EDARADD: variants seen among roughly 807,000 people sequenced by gnomAD.
The protein encoded by EDARADD is EDAR associated via death domain.
In EDARADD, 20 loss-of-function variants were observed where a neutral mutation model predicts 25.6. The ratio of observed to expected loss-of-function variants is 0.78; its 90% CI spans 0.55 to 1.14. EDARADD has a LOEUF of 1.14. Ranked by LOEUF, EDARADD falls within the 50% of genes most tolerant of loss-of-function variation. The pLI, the probability that EDARADD is intolerant of heterozygous loss-of-function variation, is 0.00. For missense variants in EDARADD, 225 were observed against 270.1 expected (o/e 0.83, Z 1.17); for synonymous variants, 86 against 94.4 (o/e 0.91, Z 0.52).
chr1:236,426,342 C>A (rs1315118573), intron 3 of EDARADD, among the ~76,000 whole-genome samples: 1 of 152,184 alleles, frequency 6.6e-6, no homozygotes, highest in African/African-American at 2.4e-5. Context: ...GATGGACAAA[C>A]ACACACATCC....
At chr1:236,448,447 C>T (rs908868870) in intron 4 of EDARADD, among the ~76,000 whole-genome samples, 4 of 152,156 alleles carry the variant, frequency 2.6e-5, no homozygotes, top group African/African-American at 9.7e-5. Context: ...CCCACCATGG[C>T]GGTCAGGGCA....
chr1:236,427,112 C>T (rs1036359871), intron 3 of EDARADD, among the ~76,000 whole-genome samples: 3 of 152,148 alleles, frequency 2.0e-5, no homozygotes, highest in African/African-American at 7.2e-5. Context: ...AAGCTCCCAA[C>T]CTCAGGTGAT....
At chr1:236,415,132 A>T (rs919858945) in intron 3 of EDARADD, among the ~76,000 whole-genome samples, 7 of 152,162 alleles carry the variant, frequency 4.6e-5, no homozygotes, top group African/African-American at 1.4e-4. Flanking sequence ...GATGATTGTG[A>T]TTGTGGCAGT....
At chr1:236,445,053 A>G (rs1658495755) in intron 4 of EDARADD, among the ~76,000 whole-genome samples, 1 of 151,824 alleles carries the variant, frequency 6.6e-6, no homozygotes. Flanking sequence ...AAAGCAATTG[A>G]CTTATTTGTA....
chr1:236,365,597 A>G (rs664325), intron 3 of EDARADD, among the ~76,000 whole-genome samples: 76,868 of 151,966 alleles, frequency 0.51, 20,197 homozygotes, highest in East Asian at 0.83. Flanking sequence ...ATGAGCCACC[A>G]TGCCTGCTTG....
chr1:236,395,758 C>T lies in EDARADD; in HGVS notation c.61+1253C>T. ...CAGCCGCAGGGCTATCGAGGCCGGG[C>T]CTCGGCGACCCCCGAGGGAGGCCCG... On this transcript the variant is annotated intron_variant, in intron 1 of 5. Transcript: ENST00000334232. The surrounding 1 kb of genome is among the most constrained non-coding windows in gnomAD (Gnocchi z 6.9). 7.1e-7 allele frequency: 1 copy of T among 1,402,278 alleles called. No individual in the cohort carries two copies. The highest frequency in any genetic ancestry group is 2.5e-4 in the Middle Eastern group (1 of 3,964). The allele number at this position is 1,402,278 out of a possible 1,614,324, so 86.9% of individuals were successfully genotyped here.
intron 3 of EDARADD, among the ~76,000 whole-genome samples, chr1:236,361,420 TTCTCCTTCCTCAGCC>T (rs1228109687): frequency 3.3e-5 from 5 of 151,932 alleles, no homozygotes; most frequent in Admixed American, 2.0e-4. Flanking sequence ...GTTCAAGTGA[TTCTCCTTCCTCAGCC>T]TCTCCTTCCT....
chr1:236,370,574 A>G (rs983155871), intron 3 of EDARADD, among the ~76,000 whole-genome samples: 1 of 152,188 alleles, frequency 6.6e-6, no homozygotes, highest in Admixed American at 6.5e-5. Flanking sequence ...GGGGGAGGCC[A>G]GTGAGCCAGG....
chr1:236,438,403 A>G (rs1330256087), intron 4 of EDARADD, among the ~76,000 whole-genome samples: 1 of 152,074 alleles, frequency 6.6e-6, no homozygotes, highest in Non-Finnish European at 1.5e-5. Context: ...TGTCTGGCAG[A>G]CTCTGGGACA....
intron 4 of EDARADD, among the ~76,000 whole-genome samples, chr1:236,445,953 A>G (rs1387428926): frequency 4.6e-5 from 7 of 152,190 alleles, no homozygotes; most frequent in Non-Finnish European, 1.0e-4. Context: ...ATACACAAAG[A>G]ATGCTTTCAG....
intron 3 of EDARADD, among the ~76,000 whole-genome samples, chr1:236,360,720 A>AT (rs1314820556): frequency 6.6e-6 from 1 of 151,418 alleles, no homozygotes; most frequent in Admixed American, 6.6e-5. Flanking sequence ...TAATTTTTGT[A>AT]TTTTTTTGTA....
chr1:236,422,261 G>T (rs770312310), intron 3 of EDARADD, among the ~76,000 whole-genome samples: 8 of 152,220 alleles, frequency 5.3e-5, no homozygotes, highest in Non-Finnish European at 1.2e-4. Flanking sequence ...TCTTAGAAGA[G>T]AAATGAGTGT....
chr1:236,385,418 AAAAAAAAAAAAAAT>A (rs1239059608), intron 3 of EDARADD, among the ~76,000 whole-genome samples: 1 of 118,848 alleles, frequency 8.4e-6, no homozygotes, highest in African/African-American at 2.9e-5. Context: ...CAAAAAAAAA[AAAAAAAAAAAAAAT>A]GCTCTTCCAG....
intron 4 of EDARADD, among the ~76,000 whole-genome samples, chr1:236,428,918 G>A (rs540030384): frequency 1.2e-3 from 184 of 152,184 alleles, no homozygotes; most frequent in African/African-American, 4.3e-3. Flanking sequence ...CAGATCACTC[G>A]CGGTCAGGAG....
chr1:236,437,828 G>A (rs1007776834), intron 4 of EDARADD, among the ~76,000 whole-genome samples: 1 of 146,200 alleles, frequency 6.8e-6, no homozygotes, highest in African/African-American at 2.5e-5. Flanking sequence ...AGCCCACTGC[G>A]ACCTTTGCCT....
intron 1 of EDARADD, among the ~76,000 whole-genome samples, chr1:236,405,870 CTTCCTTCTTTCTTTCTTTCTTTCTTTCT>C (rs1227818487): frequency 1.7e-3 from 63 of 37,520 alleles, no homozygotes; most frequent in African/African-American, 7.0e-3. Context: ...TCCTTCCTTC[CTTCCTTCTTTCTTTCTTTCTTTCTTTCT>C]TTCTTTCTTT....
upstream of EDARADD, among the ~76,000 whole-genome samples, chr1:236,393,301 A>T (rs547062947): frequency 1.3e-5 from 2 of 152,236 alleles, no homozygotes; most frequent in South Asian, 4.1e-4. Context: ...AGTTATGGAA[A>T]TATGAAATTT....
chr1:236,452,280 TC>T (rs1439174128), intron 4 of EDARADD, among the ~76,000 whole-genome samples: 1 of 152,198 alleles, frequency 6.6e-6, no homozygotes, highest in East Asian at 1.9e-4. Context: ...CAGCTTTCAC[TC>T]CTTCCGTGAA....
At chr1:236,399,377 G>C (rs1667576526) in intron 1 of EDARADD, among the ~76,000 whole-genome samples, 1 of 152,072 alleles carries the variant, frequency 6.6e-6, no homozygotes, top group Non-Finnish European at 1.5e-5. Flanking sequence ...AGTAGAGACG[G>C]GGTTTCACCA....
Sources: gnomAD v4.1 joint callset for allele counts (sites outside exome capture counted in the v4.1 genomes callset) on GRCh38, gnomAD v4.1.1 for gene constraint, Gnocchi (gnomAD v3.1) non-coding constraint, MANE v1.5 for transcripts, NCBI Gene and HGNC (gene_info 2026-07-23, HGNC 2026-07-21) for gene names.